Variants in TAFA5 observed in about 807,000 individuals in gnomAD.
TAFA5 encodes chemokine-like protein TAFA-5.
A neutral mutation model predicts 15.3 loss-of-function variants in TAFA5; 6 were observed. The ratio of observed to expected loss-of-function variants is 0.39; its 90% CI spans 0.21 to 0.77. TAFA5 has a LOEUF of 0.77. Among genes scored for constraint, TAFA5 ranks in the 30% least tolerant of loss-of-function variants. The probability of loss-of-function intolerance (pLI) is 0.41; values close to 1 mark genes in which losing one functional copy is unlikely to be tolerated. For missense variants in TAFA5, 161 were observed against 193.1 expected, an observed-to-expected ratio of 0.83 and a Z score of 0.98; for synonymous variants, 103 against 80.7, an observed-to-expected ratio of 1.28 and a Z score of -1.48.
intron 2 of TAFA5, among the ~76,000 whole-genome samples, chr22:48,661,391 C>T (rs761563879): frequency 2.6e-5 from 4 of 152,240 alleles, no homozygotes; most frequent in Non-Finnish European, 5.9e-5. Context: ...CCTCGAACCC[C>T]GGCCGCAGAA....
intron 2 of TAFA5, among the ~76,000 whole-genome samples, chr22:48,704,186 C>T (rs1436996839): frequency 8.1e-6 from 1 of 123,754 alleles, no homozygotes; most frequent in Admixed American, 8.6e-5. Context: ...GAAACACACC[C>T]TCAACACACA....
At position 48,552,529 on chromosome 22, in the gene TAFA5, C is replaced by T. The variant is rs1486656801; in HGVS notation, c.112+62825C>T. Among the ~76,000 whole-genome samples the T allele has an allele frequency of 6.6e-6, 1 of 152,114 alleles. No homozygotes were observed. The highest frequency in any genetic ancestry group is 1.5e-5 in the Non-Finnish European group (1 of 68,014). On this transcript the variant is annotated intron_variant, in intron 1 of 3. Coordinates refer to ENST00000402357, the MANE Select transcript of TAFA5 (RefSeq NM_001082967.3). The surrounding 1 kb of genome is among the most constrained non-coding windows in gnomAD (Gnocchi z 4.1). ...GCAGCCTGCTCTCCTTGGGTCAGGA[C>T]ATGGAGACTTCACAGCCCGGCGGAA...
At chr22:48,539,378 C>T (rs559553173) in intron 1 of TAFA5, 6 of 471,188 alleles carry the variant, frequency 1.3e-5, no homozygotes, top group Admixed American at 7.0e-5. Context: ...CGTGGCCGGG[C>T]GGTGATCACT....
chr22:48,643,206 G>C (rs1420012936), intron 1 of TAFA5, among the ~76,000 whole-genome samples: 2 of 152,244 alleles, frequency 1.3e-5, no homozygotes, highest in African/African-American at 4.8e-5. Flanking sequence ...CAGCGCCATG[G>C]GATAAGAACG....
chr22:48,686,925 TG>T (rs879269031), intron 2 of TAFA5, among the ~76,000 whole-genome samples: 8,426 of 149,600 alleles, frequency 0.056, 324 homozygotes, highest in Non-Finnish European at 0.083. Flanking sequence ...GATGGATGGA[TG>T]GATGGATGGA....
chr22:48,724,844 G>A (rs545999922), intron 3 of TAFA5, among the ~76,000 whole-genome samples: 4 of 152,358 alleles, frequency 2.6e-5, no homozygotes, highest in South Asian at 2.1e-4. Flanking sequence ...TCCCCTGCTC[G>A]GTCCTGCAGA....
intron 1 of TAFA5, among the ~76,000 whole-genome samples, chr22:48,586,162 G>C (rs1395235278): frequency 6.6e-6 from 1 of 152,254 alleles, no homozygotes; most frequent in Non-Finnish European, 1.5e-5. Flanking sequence ...GGGCAAGTGT[G>C]GCCCAGTGAG....
chr22:48,585,854 C>T (rs1924337899), intron 1 of TAFA5, among the ~76,000 whole-genome samples: 1 of 152,134 alleles, frequency 6.6e-6, no homozygotes, highest in African/African-American at 2.4e-5. Context: ...TGCCAAGACA[C>T]ACACACACAA....
In TAFA5 at chr22:48,560,571, TTA is replaced by T. The variant is rs199729209; in HGVS notation, c.112+70869_112+70870del. On this transcript the variant is annotated intron_variant, in intron 1 of 3. Transcript: ENST00000402357. This position sits in a 1 kb window ranked among gnomAD's most constrained non-coding sequence, Gnocchi z 4.2. ...GGGCCATGAAAAACGTTGTATTTTA[TTA>T]TTATTATTATTATTATTATATTATT... 2.5e-4 allele frequency among the ~76,000 whole-genome samples: 27 copies of T among 108,046 alleles called. No homozygotes were observed. Among genetic ancestry groups the T allele is most frequent in the African/African-American group, 1.1e-3 (25 of 22,880 alleles). The allele number at this position is 108,046 out of a possible 152,430, so 70.9% of individuals were successfully genotyped here. A position where few individuals can be genotyped will look rare whatever the true frequency, so the allele number is the denominator to read the frequency against.
chr22:48,721,765 T>G (rs1929576277), intron 3 of TAFA5, among the ~76,000 whole-genome samples: 1 of 152,144 alleles, frequency 6.6e-6, no homozygotes, highest in African/African-American at 2.4e-5. Flanking sequence ...AGTCAGGGGT[T>G]CGAAACCAGC....
At chr22:48,619,881 C>T (rs1925742689) in intron 1 of TAFA5, among the ~76,000 whole-genome samples, 1 of 152,248 alleles carries the variant, frequency 6.6e-6, no homozygotes, top group African/African-American at 2.4e-5. Context: ...GCGGCTTCTG[C>T]TCCCCGAGCT....
rs141832877 is a variant in TAFA5, at chr22:48,654,034, C to T, written c.262+7288C>T. 1.4e-3 allele frequency among the ~76,000 whole-genome samples: 210 copies of T among 151,944 alleles called. 1 individual carries two copies. Among genetic ancestry groups the T allele is most frequent in the African/African-American group, 4.8e-3 (198 of 41,442 alleles). On this transcript the variant is annotated intron_variant, in intron 2 of 3. Coordinates refer to ENST00000402357, the MANE Select transcript of TAFA5 (RefSeq NM_001082967.3). ...GCTCTGGAGGGAAGGGGGTGGTCTC[C>T]TTGCTCTAGCCTCTCCATGTCCCGT...
intron 1 of TAFA5, 24 bp from the exon 2 acceptor site, chr22:48,646,573 A>C: frequency 6.2e-7 from 1 of 1,610,174 alleles, no homozygotes; most frequent in Non-Finnish European, 8.5e-7. Flanking sequence ...GTGGCCGCTC[A>C]GTCGCTTCTG....
At chr22:48,745,348 A>C (rs1930297381) in intron 3 of TAFA5, among the ~76,000 whole-genome samples, 1 of 143,982 alleles carries the variant, frequency 6.9e-6, no homozygotes, top group African/African-American at 2.7e-5. Flanking sequence ...GCATGGGCAC[A>C]CAACGGCTTT....
rs573477061 is a variant in TAFA5 at position 48,701,389 on chromosome 22, G to A, written c.263-6328G>A. ...TGGTGTGTGTCCCCACACTGAGGAC[G>A]TGGCACACCCTCTCCTGCACGGGTC... On this transcript the variant is annotated intron_variant, in intron 2 of 3. Transcript: ENST00000402357. Among the ~76,000 whole-genome samples, 11 of 152,312 alleles carry A rather than the reference G, an allele frequency of 7.2e-5. No individual in the cohort carries two copies. The South Asian group carries it at 2.1e-3, about 29-fold the overall frequency.
At chr22:48,743,456 A>G (rs1175298270) in intron 3 of TAFA5, among the ~76,000 whole-genome samples, 1 of 152,174 alleles carries the variant, frequency 6.6e-6, no homozygotes, top group Admixed American at 6.5e-5. Flanking sequence ...TAACTCGATC[A>G]CATCTGCTAG....
In TAFA5 at chr22:48,741,890, A is replaced by G. The variant is rs77114662; in HGVS notation, c.391-7949A>G. Among the ~76,000 whole-genome samples, 404 of 152,366 alleles carry G rather than the reference A, an allele frequency of 2.7e-3. 1 individual carries two copies. Among genetic ancestry groups the G allele is most frequent in the Non-Finnish European group, 5.0e-3 (337 of 68,036 alleles). On this transcript the variant is annotated intron_variant, in intron 3 of 3. Transcript: ENST00000402357. ...GAACGCTTGTAGAAGCTGATGAGGA[A>G]GGTCGCTGTGGCTTTTCTTCTTTAT...
In TAFA5 at chr22:48,613,020, G is replaced by T. The variant is rs115145890; in HGVS notation, c.113-33577G>T. 9.5e-3 allele frequency among the ~76,000 whole-genome samples: 1,454 copies of T among 152,272 alleles called. 24 individuals are homozygous for T. The highest frequency in any genetic ancestry group is 0.034 in the African/African-American group (1,399 of 41,538). The stretch of plus-strand genomic sequence containing the variant: ...GGCTCCTCCTCTGGCATCCCTGGCA[G>T]GGCGTTTGCTGCCTTTTCCTCACTG... On this transcript the variant is annotated intron_variant, in intron 1 of 3. Transcript: ENST00000402357.
At chr22:48,551,770 G>A (rs1922864567) in intron 1 of TAFA5, among the ~76,000 whole-genome samples, 1 of 152,074 alleles carries the variant, frequency 6.6e-6, no homozygotes, top group South Asian at 2.1e-4. Context: ...GCCTTCTCTC[G>A]CCTCCCCAAA....
Sources: allele counts gnomAD v4.1 joint callset (sites outside exome capture counted in the v4.1 genomes callset), GRCh38; gene constraint gnomAD v4.1.1; non-coding constraint Gnocchi (gnomAD v3.1); transcripts MANE v1.5; gene names NCBI Gene and HGNC (gene_info 2026-07-23, HGNC 2026-07-21).